SIGLEC1: variants seen among roughly 807,000 people sequenced by gnomAD.
SIGLEC1 encodes sialoadhesin.
In SIGLEC1, 132 loss-of-function variants were observed where a neutral mutation model predicts 148.0. That is an observed-to-expected ratio of 0.89 (90% CI 0.77 to 1.03). SIGLEC1 has a LOEUF of 1.03. SIGLEC1 is among the 50% of genes least tolerant of loss of function. The pLI is 0.00. For synonymous variants in SIGLEC1, 945 were observed against 969.0 expected (o/e 0.98, Z 0.46); for missense variants, 2,253 against 2,271.4 (o/e 0.99, Z 0.16).
At position 3,692,726 on chromosome 20, in the gene SIGLEC1, G is replaced by C; in HGVS notation, c.3825C>G (p.Ala1275=). The C allele has an allele frequency of 6.2e-7, 1 of 1,612,188 alleles. No individual in the cohort carries two copies. The highest frequency in any genetic ancestry group is 1.1e-5 in the South Asian group (1 of 91,070). The change falls in exon 16 of 22, where the codon GCC becomes GCG. Residue 1275 remains alanine, a synonymous_variant. Transcript: ENST00000344754. ...GGTCCGCACAGGTCACTGTGATGGG[G>C]GCACCTTCAGGCACGGCAGCCTCCG... is the stretch of plus-strand genomic sequence containing the variant. ...LAPEAAVPEG[A]PITVTCADPA... is the part of the protein sequence containing the mutation.
Position 3,694,786 on chromosome 20 carries a change from T to G in SIGLEC1, c.2821A>C (p.Thr941Pro). ...YRDGQPLQESTSATLRFAAIT... is the reference protein window; with the variant it reads ...YRDGQPLQESPSATLRFAAIT... The stretch of plus-strand genomic sequence containing the variant: ...GCTGCAAAGCGGAGCGTGGCCGAGG[T>G]CGACTCCTGGAGGGGCTGGCCATCC... Residue 941 changes from threonine to proline, a missense_variant, in exon 12 of 22, where the codon ACC becomes CCC. By Grantham distance (38) the Thr-to-Pro change is conservative. Transcript: ENST00000344754. The G allele has an allele frequency of 6.2e-7, 1 of 1,613,404 alleles. No homozygotes were observed. The highest frequency in any genetic ancestry group is 2.2e-5 in the East Asian group (1 of 44,870).
chr20:3,705,884 T>C lies in SIGLEC1; in HGVS notation c.566A>G (p.Gln189Arg), dbSNP rs778280820. The change falls in exon 4 of 22, where the codon CAG becomes CGG. Residue 189 changes from glutamine to arginine, a missense_variant. Gln to Arg is a conservative substitution (Grantham distance 43). Transcript: ENST00000344754. The stretch of plus-strand genomic sequence containing the variant: ...GCCGACGCCGGTGGGCTCAAACTTC[T>C]GGCTGTTGAAGGTGACAGAGCGAGC... ...DPARSVTFNS[Q>R]KFEPTGVGHL... 2 of 1,614,190 alleles carry C rather than the reference T, an allele frequency of 1.2e-6. No individual in the cohort carries two copies. Among genetic ancestry groups the C allele is most frequent in the Non-Finnish European group, 1.7e-6 (2 of 1,180,044 alleles).
Position 3,701,470 on chromosome 20 carries a change from C to A in SIGLEC1, c.1400G>T (p.Gly467Val). 2 of 1,614,104 alleles carry A rather than the reference C, an allele frequency of 1.2e-6. No individual in the cohort carries two copies. The highest frequency in any genetic ancestry group is 1.7e-6 in the Non-Finnish European group (2 of 1,180,036). The stretch of plus-strand genomic sequence containing the variant: ...GCGCAGGGAGTTGGGACCAGAGGTA[C>A]CACTGAAGCGTGGGCTGTGATCACT... ...GDSDHSPRFS[G>V]TSGPNSLRLE... is the part of the protein sequence containing the mutation. Residue 467 changes from glycine to valine, a missense_variant, in exon 7 of 22, where the codon GGT becomes GTT. Transcript: ENST00000344754.
intron 1 of SIGLEC1, among the ~76,000 whole-genome samples, chr20:3,708,687 G>A (rs776178734): frequency 2.2e-4 from 34 of 152,100 alleles, no homozygotes; most frequent in Non-Finnish European, 4.4e-4. Flanking sequence ...AGGGGTCGAG[G>A]CTGCAGTGAG....
In SIGLEC1 at chr20:3,706,646, A is replaced by T. The variant is rs1010298622; in HGVS notation, c.110T>A (p.Leu37Gln). Residue 37 changes from leucine to glutamine, a missense_variant, in exon 3 of 22, where the codon CTG becomes CAG. Transcript: ENST00000344754. Reference sequence around the variant, plus strand: ...GAAGCTGAAGATGCAGGGGATAAGCAGGCAAGACCCCTTCACACCCTGCAC... The same window carrying T: ...GAAGCTGAAGATGCAGGGGATAAGCTGGCAAGACCCCTTCACACCCTGCAC... ...QDVQGVKGSC[L>Q]LIPCIFSFPA... is the part of the protein sequence containing the mutation. 2.7e-5 allele frequency: 43 copies of T among 1,577,118 alleles called. No homozygotes were observed. The highest frequency in any genetic ancestry group is 3.6e-5 in the Non-Finnish European group (42 of 1,161,942).
Position 3,694,998 on chromosome 20 carries a change from C to T in SIGLEC1, c.2684-75G>A, listed in dbSNP as rs567237717. The T allele has an allele frequency of 2.7e-6, 4 of 1,461,412 alleles. No homozygotes were observed. In the African/African-American group the frequency reaches 4.2e-5, roughly 15 times the overall value. 90.5% of individuals were successfully genotyped at this position (1,461,412 alleles called of 1,614,324 possible). On this transcript the variant is annotated intron_variant, in intron 11 of 21. Coordinates refer to ENST00000344754, the MANE Select transcript of SIGLEC1 (RefSeq NM_023068.4). The stretch of plus-strand genomic sequence containing the variant: ...CAGTCTGGGACCATGTGCGTGTCCA[C>T]CTAGGACTACACAACCCAACCCCAT...
intron 3 of SIGLEC1, 118 bp from the exon 4 acceptor site, chr20:3,706,158 C>G (rs1030658069): frequency 5.4e-6 from 7 of 1,300,510 alleles, no homozygotes; most frequent in Non-Finnish European, 7.3e-6. Context: ...GAAGGAAAGA[C>G]GCTTTCTACT....
In SIGLEC1 at chr20:3,706,477, G is replaced by C. The variant is rs376680303; in HGVS notation, c.279C>G (p.Pro93=). The part of the protein sequence containing the change: ...FRGRTEFMGN[P]EHRVCNLLLK... ...GCAGCAGGTTGCACACCCTGTGCTC[G>C]GGGTTCCCCATGAACTCGGTGCGGC... The change falls in exon 3 of 22, where the codon CCC becomes CCG. Residue 93 remains proline, a synonymous_variant. Transcript: ENST00000344754. 40 of 1,613,964 alleles carry C rather than the reference G, an allele frequency of 2.5e-5. No individual in the cohort carries two copies. Among genetic ancestry groups the C allele is most frequent in the Non-Finnish European group, 3.4e-5 (40 of 1,180,032 alleles).
rs2088806764 is a variant in SIGLEC1 at position 3,694,808 on chromosome 20, A to G, written c.2799T>C (p.Asp933=). The G allele has an allele frequency of 6.2e-7, 1 of 1,613,514 alleles. No individual in the cohort carries two copies. The highest frequency in any genetic ancestry group is 1.3e-5 in the African/African-American group (1 of 74,928). ...PEGTSYRWYR[D]GQPLQESTSA... is the part of the protein sequence containing the mutation. ...AGGTCGACTCCTGGAGGGGCTGGCCATCCCGATACCAACGATATGAGGTCC... is the reference window on the plus strand; with the variant it reads ...AGGTCGACTCCTGGAGGGGCTGGCCGTCCCGATACCAACGATATGAGGTCC... Residue 933 remains aspartate, a synonymous_variant, in exon 12 of 22, where the codon GAT becomes GAC. Transcript: ENST00000344754.
At chr20:3,698,685 CTT>C (rs2087825275) in intron 8 of SIGLEC1, among the ~76,000 whole-genome samples, 1 of 152,260 alleles carries the variant, frequency 6.6e-6, no homozygotes, top group South Asian at 2.1e-4. Context: ...CACCAGAAAA[CTT>C]TGCAGAGGCA....
chr20:3,707,132 AG>A lies in SIGLEC1; in HGVS notation c.-5del, dbSNP rs1243012255. The stretch of plus-strand genomic sequence containing the variant: ...GAAGCTTGGGCAAGAAGCCCATAGC[AG>A]GTTCTTGTGCTGCTCCTGTTGCCTA... On this transcript the variant is annotated 5_prime_UTR_variant, in exon 2 of 22. Transcript: ENST00000344754. 1.2e-6 allele frequency: 2 copies of A among 1,613,980 alleles called. No individual in the cohort carries two copies. Among genetic ancestry groups the A allele is most frequent in the South Asian group, 1.1e-5 (1 of 91,084 alleles).
Position 3,689,643 on chromosome 20 carries a change from G to C in SIGLEC1, c.4954C>G (p.Leu1652Val). 6.3e-7 allele frequency: 1 copy of C among 1,591,508 alleles called. No individual in the cohort carries two copies. Among genetic ancestry groups the C allele is most frequent in the Non-Finnish European group, 8.6e-7 (1 of 1,169,402 alleles). ...CCCAGGCCCAACAGCAGGAGCAGGA[G>C]GCCCACCAGCAGTCCCAGGACCCAG... ...LLWVLGLLVG[L>V]LLLLLGLGAC... Residue 1652 changes from leucine (L) to valine (V), a missense_variant, in exon 20 of 22, where the codon CTC becomes GTC. Physicochemically the swap from Leu to Val is conservative, Grantham distance 32 (BLOSUM62 1). Coordinates refer to ENST00000344754, the MANE Select transcript of SIGLEC1 (RefSeq NM_023068.4).
Position 3,693,710 on chromosome 20 carries a change from G to C in SIGLEC1, c.3257-12C>G. ...CTGCACATTCACAGCTGGGGAGAGG[G>C]AGGGCACAGGACACCAGTGAGGGTC... On this transcript the variant is annotated splice_polypyrimidine_tract_variant and intron_variant, in intron 13 of 21. Transcript: ENST00000344754. The C allele has an allele frequency of 2.6e-6, 4 of 1,563,242 alleles. No individual in the cohort carries two copies. The highest frequency in any genetic ancestry group is 3.5e-6 in the Non-Finnish European group (4 of 1,151,480).
rs146781258 is a variant in SIGLEC1, at chr20:3,698,047, G to A, written c.1873C>T (p.Arg625Cys). The A allele has an allele frequency of 7.5e-6, 12 of 1,610,236 alleles. No homozygotes were observed. The highest frequency in any genetic ancestry group is 5.0e-5 in the Admixed American group (3 of 59,512). ...CTGGCGGGGGGGTCGCTGTCCACAC[G>A]GCACAAAAGGAGGCCTCGCCGTCCA... ...GAGRRGLLLC[R>C]VDSDPPARLQ... Residue 625 changes from arginine (R) to cysteine (C), a missense_variant, in exon 9 of 22, where the codon CGT becomes TGT. Transcript: ENST00000344754.
At chr20:3,691,275 GGAA>G (rs1285461386) in intron 18 of SIGLEC1, 62 bp downstream of exon 18, 1 of 1,584,354 alleles carries the variant, frequency 6.3e-7, no homozygotes, top group Non-Finnish European at 8.6e-7. Flanking sequence ...CAGAAGAGGA[GGAA>G]GAACTGAGGT....
chr20:3,705,799 G>T lies in SIGLEC1; in HGVS notation c.651C>A (p.Cys217Ter). 1 of 1,613,836 alleles carries T rather than the reference G, an allele frequency of 6.2e-7. No homozygotes were observed. Among genetic ancestry groups the T allele is most frequent in the Non-Finnish European group, 8.5e-7 (1 of 1,179,898 alleles). ...CCCTGTGATTGGCCACGGAGAGCTG[G>T]CAGCGCAGGATCCGGCCGTGGTCCT... ...SWQDHGRILR[C>*]QLSVANHRAQ... The change falls in exon 4 of 22, where the codon TGC becomes TGA. Residue 217 changes from cysteine (C) to a stop codon, truncating the protein, a stop_gained. Transcript: ENST00000344754. LOFTEE classifies it high-confidence loss of function.
chr20:3,693,026 A>C lies in SIGLEC1; in HGVS notation c.3614T>G (p.Leu1205Arg). The part of the protein sequence containing the change: ...VDSRPPAQLA[L>R]SHAGRLLASS... ...GGCCAAGAGGCGACCGGCGTGGCTG[A>C]GGGCCAGCTGGGCGGGCGGGCGGCT... The change falls in exon 15 of 22, where the codon CTC (leucine) becomes CGC (arginine). Residue 1205 changes from leucine (L) to arginine (R), a missense_variant. Physicochemically the swap from Leu to Arg is moderately radical, Grantham distance 102 (BLOSUM62 -2). Coordinates refer to ENST00000344754, the MANE Select transcript of SIGLEC1 (RefSeq NM_023068.4). The C allele has an allele frequency of 1.9e-6, 3 of 1,611,554 alleles. No homozygotes were observed. Among genetic ancestry groups the C allele is most frequent in the Non-Finnish European group, 2.5e-6 (3 of 1,179,602 alleles).
In SIGLEC1 at chr20:3,694,775, C is replaced by T. The variant is rs1243940497; in HGVS notation, c.2832G>A (p.Thr944=). The change falls in exon 12 of 22, where the codon ACG becomes ACA. Residue 944 remains threonine (T), a synonymous_variant. Transcript: ENST00000344754. ...GQPLQESTSA[T]LRFAAITLTQ... is the part of the protein sequence containing the mutation. ...TCAAAGTTATGGCTGCAAAGCGGAG[C>T]GTGGCCGAGGTCGACTCCTGGAGGG... is the stretch of plus-strand genomic sequence containing the variant. 1.9e-6 allele frequency: 3 copies of T among 1,613,630 alleles called. No homozygotes were observed. The highest frequency in any genetic ancestry group is 2.2e-5 in the South Asian group (2 of 91,084).
intron 11 of SIGLEC1, among the ~76,000 whole-genome samples, chr20:3,695,682 C>A (rs995966391): frequency 2.6e-5 from 4 of 152,198 alleles, no homozygotes; most frequent in Non-Finnish European, 5.9e-5. Context: ...AGAAAAGATA[C>A]ACAGAACCAA....
Sources: allele counts gnomAD v4.1 joint callset (sites outside exome capture counted in the v4.1 genomes callset), GRCh38; gene constraint gnomAD v4.1.1; transcripts MANE v1.5; gene names NCBI Gene and HGNC (gene_info 2026-07-23, HGNC 2026-07-21).